SLC24A2: variants seen among roughly 807,000 people sequenced by gnomAD.
SLC24A2 encodes the protein solute carrier family 24 member 2.
A neutral mutation model predicts 62.0 loss-of-function variants in SLC24A2; 36 were observed. That is an observed-to-expected ratio of 0.58 (90% CI 0.44 to 0.77). The LOEUF (loss-of-function observed/expected upper bound fraction) is 0.77. Ranked by LOEUF, SLC24A2 falls within the 30% of genes least tolerant of loss-of-function variation. The pLI, the probability that SLC24A2 is intolerant of heterozygous loss-of-function variation, is 0.00. For missense variants in SLC24A2, 846 were observed against 817.9 expected (o/e 1.03, Z -0.42); for synonymous variants, 358 against 294.0 (o/e 1.22, Z -2.23).
the SLC24A2 span, among the ~76,000 whole-genome samples, chr9:19,923,709 C>A: frequency 6.6e-6 from 1 of 152,232 alleles, no homozygotes; most frequent in Non-Finnish European, 1.5e-5. Context: ...CATCCCCCAA[C>A]AAAGACAAAT....
intron 8 of SLC24A2, among the ~76,000 whole-genome samples, chr9:19,534,056 T>C (rs1444160147): frequency 3.3e-5 from 5 of 152,230 alleles, no homozygotes; most frequent in African/African-American, 1.2e-4. Flanking sequence ...CAGAATGTCA[T>C]GGCTGGCAGG....
At chr9:19,775,619 T>C (rs1822823004) in intron 2 of SLC24A2, among the ~76,000 whole-genome samples, 1 of 152,042 alleles carries the variant, frequency 6.6e-6, no homozygotes, top group East Asian at 1.9e-4. Context: ...TATATGTATT[T>C]AATGGTCCTT....
chr9:19,998,377 T>C, the SLC24A2 span, among the ~76,000 whole-genome samples: 2 of 152,190 alleles, frequency 1.3e-5, no homozygotes, highest in Non-Finnish European at 2.9e-5. Context: ...AGCCTGTCAA[T>C]GATTCACTTC....
chr9:19,989,187 C>A, the SLC24A2 span, among the ~76,000 whole-genome samples: 1 of 152,044 alleles, frequency 6.6e-6, no homozygotes, highest in East Asian at 1.9e-4. Flanking sequence ...ACCATAATAA[C>A]TTTATATAAG....
intron 5 of SLC24A2, among the ~76,000 whole-genome samples, chr9:19,593,810 C>T (rs899677084): frequency 1.3e-5 from 2 of 152,170 alleles, no homozygotes; most frequent in Non-Finnish European, 2.9e-5. Flanking sequence ...CTTATCACCT[C>T]TGAGTCCCAG....
At chr9:20,229,628 G>A in the SLC24A2 span, among the ~76,000 whole-genome samples, 1 of 151,846 alleles carries the variant, frequency 6.6e-6, no homozygotes, top group Non-Finnish European at 1.5e-5. Flanking sequence ...CCAGTCTCGG[G>A]TCCCTTATCA....
the SLC24A2 span, among the ~76,000 whole-genome samples, chr9:20,089,312 C>A: frequency 7.9e-5 from 12 of 152,110 alleles, no homozygotes; most frequent in Non-Finnish European, 1.5e-4. Context: ...GAGGGCTATC[C>A]AACCTGGGAC....
At chr9:19,917,949 T>G in the SLC24A2 span, among the ~76,000 whole-genome samples, 1 of 152,162 alleles carries the variant, frequency 6.6e-6, no homozygotes, top group South Asian at 2.1e-4. Context: ...CCTGTAGTGC[T>G]TGTTTTGCTA....
intron 2 of SLC24A2, among the ~76,000 whole-genome samples, chr9:19,654,462 A>T (rs898899267): frequency 6.6e-6 from 1 of 152,110 alleles, no homozygotes; most frequent in Non-Finnish European, 1.5e-5. Context: ...GGTTAGTGGC[A>T]CCACTTCTCT....
chr9:19,939,241 T>C, the SLC24A2 span, among the ~76,000 whole-genome samples: 6 of 152,206 alleles, frequency 3.9e-5, no homozygotes, highest in Non-Finnish European at 7.4e-5. Context: ...TTTTGAGAAA[T>C]GTGTCCTTAG....
At chr9:20,205,101 G>A in the SLC24A2 span, among the ~76,000 whole-genome samples, 1 of 152,148 alleles carries the variant, frequency 6.6e-6, no homozygotes, top group African/African-American at 2.4e-5. Flanking sequence ...ATGCCTGCAG[G>A]ATGAAAAGTC....
At chr9:20,048,223 G>A in the SLC24A2 span, among the ~76,000 whole-genome samples, 2 of 152,182 alleles carry the variant, frequency 1.3e-5, no homozygotes, top group Non-Finnish European at 2.9e-5. Context: ...TTAGCACACT[G>A]CCTAGCACAT....
chr9:20,105,245 A>C, the SLC24A2 span, among the ~76,000 whole-genome samples: 26 of 147,474 alleles, frequency 1.8e-4, no homozygotes, highest in South Asian at 6.6e-4. Flanking sequence ...ACACAATAAT[A>C]ATGGGAGACT....
chr9:19,754,227 C>A (rs1326552548), intron 2 of SLC24A2, among the ~76,000 whole-genome samples: 1 of 152,154 alleles, frequency 6.6e-6, no homozygotes, highest in Non-Finnish European at 1.5e-5. Flanking sequence ...ACAGGCCCTG[C>A]CCCACTCATT....
chr9:19,625,311 A>G (rs1175441310), intron 2 of SLC24A2, among the ~76,000 whole-genome samples: 2 of 152,200 alleles, frequency 1.3e-5, no homozygotes, highest in African/African-American at 4.8e-5. Context: ...AAATAAATAA[A>G]TAAATTTAAT....
At chr9:19,684,196 TC>T (rs1312898095) in intron 2 of SLC24A2, among the ~76,000 whole-genome samples, 5 of 152,106 alleles carry the variant, frequency 3.3e-5, no homozygotes, top group Admixed American at 6.6e-5. Context: ...CATTCAAATT[TC>T]TGAGGCCTGG....
the SLC24A2 span, among the ~76,000 whole-genome samples, chr9:20,298,986 G>A: frequency 6.6e-6 from 1 of 152,190 alleles, no homozygotes; most frequent in Non-Finnish European, 1.5e-5. Flanking sequence ...CGGCCATGGA[G>A]GGTCTGAGAG....
intron 2 of SLC24A2, among the ~76,000 whole-genome samples, chr9:19,643,476 A>T (rs946354440): frequency 1.3e-5 from 2 of 152,124 alleles, no homozygotes; most frequent in Non-Finnish European, 2.9e-5. Context: ...TTGAGCATAG[A>T]TCCTTTGGGG....
At chr9:19,888,188 G>A in the SLC24A2 span, among the ~76,000 whole-genome samples, 1 of 152,166 alleles carries the variant, frequency 6.6e-6, no homozygotes, top group African/African-American at 2.4e-5. Flanking sequence ...TAGTCACCCT[G>A]TAAACAAACA....
Sources: gnomAD v4.1 joint callset for allele counts (sites outside exome capture counted in the v4.1 genomes callset) on GRCh38, gnomAD v4.1.1 for gene constraint, MANE v1.5 for transcripts, NCBI Gene and HGNC (gene_info 2026-07-23, HGNC 2026-07-21) for gene names.